KAZN: variants seen among roughly 807,000 people sequenced by gnomAD.
The protein encoded by KAZN is kazrin.
A neutral mutation model predicts 87.4 loss-of-function variants in KAZN; 40 were observed. The observed-to-expected ratio is 0.46, with a 90% CI of 0.36 to 0.60. KAZN has a LOEUF of 0.60. KAZN is among the 20% of genes least tolerant of loss of function. KAZN has a pLI of 0.00. For missense variants in KAZN, 898 were observed against 1,073.9 expected (o/e 0.84, Z 2.29); for synonymous variants, 466 against 458.3 (o/e 1.02, Z -0.22).
intron 1 of KAZN, among the ~76,000 whole-genome samples, chr1:14,917,601 C>T (rs1251289533): frequency 2.0e-5 from 3 of 152,174 alleles, no homozygotes; most frequent in South Asian, 2.1e-4. Context: ...TGCCACAGCC[C>T]GACAAGTAGT....
intron 2 of KAZN, among the ~76,000 whole-genome samples, chr1:14,358,775 C>T (rs982836778): frequency 2.0e-5 from 3 of 151,770 alleles, no homozygotes; most frequent in South Asian, 2.1e-4. Flanking sequence ...TTGATAGCAT[C>T]GTGGTCTGAG....
At chr1:14,910,162 T>C (rs1185073725) in intron 1 of KAZN, among the ~76,000 whole-genome samples, 1 of 152,214 alleles carries the variant, frequency 6.6e-6, no homozygotes, top group Non-Finnish European at 1.5e-5. Flanking sequence ...ATCTGTGGCC[T>C]GTGGATCTCC....
At chr1:14,519,219 A>G (rs1443302999) in intron 2 of KAZN, among the ~76,000 whole-genome samples, 1 of 152,226 alleles carries the variant, frequency 6.6e-6, no homozygotes, top group East Asian at 1.9e-4. Context: ...ACACAGCTTG[A>G]AATGGACCCT....
chr1:14,545,455 T>A (rs888433787), intron 2 of KAZN, among the ~76,000 whole-genome samples: 5 of 152,210 alleles, frequency 3.3e-5, no homozygotes, highest in African/African-American at 1.2e-4. Flanking sequence ...GGGACAGTTA[T>A]TTAATGTCTC....
At chr1:13,948,434 A>G (rs1227968085) in intron 1 of KAZN, among the ~76,000 whole-genome samples, 1 of 152,196 alleles carries the variant, frequency 6.6e-6, no homozygotes, top group Non-Finnish European at 1.5e-5. Flanking sequence ...CCCTATGAAG[A>G]GATGCCTTCT....
chr1:14,751,025 A>G (rs972975601), intron 1 of KAZN, among the ~76,000 whole-genome samples: 1 of 152,212 alleles, frequency 6.6e-6, no homozygotes, highest in African/African-American at 2.4e-5. Context: ...GACGTCATTT[A>G]TAACATGACC....
rs141321203 is a variant in KAZN, at chr1:14,518,178, CT to C, written c.250-80784del. Among the ~76,000 whole-genome samples the C allele has an allele frequency of 6.8e-3, 620 of 91,306 alleles. 1 individual carries two copies. The highest frequency in any genetic ancestry group is 0.017 in the Middle Eastern group (2 of 118). 59.9% of individuals were successfully genotyped at this position (91,306 alleles called of 152,430 possible). Reference sequence around the variant, plus strand: ...TTGGTAACTGGAGTCTTTTTGAAGGCTTTTTTTTTTTTTTTTTTTTTGGGCA... The same window carrying C: ...TTGGTAACTGGAGTCTTTTTGAAGGCTTTTTTTTTTTTTTTTTTTTGGGCA... On this transcript the variant is annotated intron_variant, in intron 2 of 16. Coordinates refer to the KAZN transcript ENST00000636203.
intron 1 of KAZN, among the ~76,000 whole-genome samples, chr1:13,921,423 T>A (rs1327835819): frequency 6.6e-6 from 1 of 152,200 alleles, no homozygotes; most frequent in Non-Finnish European, 1.5e-5. Flanking sequence ...TGTGGCTGTG[T>A]TTCAATACAA....
chr1:14,588,873 A>G (rs1229464482), intron 2 of KAZN, among the ~76,000 whole-genome samples: 2 of 152,158 alleles, frequency 1.3e-5, no homozygotes, highest in Non-Finnish European at 2.9e-5. Context: ...TCATCTCTTG[A>G]ATACATGACA....
intron 1 of KAZN, among the ~76,000 whole-genome samples, chr1:14,783,598 A>C (rs1480569482): frequency 6.6e-6 from 1 of 152,226 alleles, no homozygotes; most frequent in Non-Finnish European, 1.5e-5. Flanking sequence ...CAGCCAAGCC[A>C]AGAAAGTGCT....
At chr1:14,069,253 G>A (rs1388020456) in intron 1 of KAZN, among the ~76,000 whole-genome samples, 2 of 152,230 alleles carry the variant, frequency 1.3e-5, no homozygotes, top group African/African-American at 4.8e-5. Flanking sequence ...CCAGTATGAG[G>A]AGGGGCTGCT....
intron 1 of KAZN, among the ~76,000 whole-genome samples, chr1:14,902,479 C>T (rs1211713800): frequency 4.6e-5 from 7 of 152,118 alleles, no homozygotes; most frequent in African/African-American, 7.2e-5. Flanking sequence ...CCACCTGCCT[C>T]GGCCTCCCAA....
chr1:15,104,238 G>A, intron 13 of KAZN, 49 bp downstream of exon 13: 1 of 1,487,336 alleles, frequency 6.7e-7, no homozygotes, highest in Non-Finnish European at 9.0e-7. Context: ...GTACAGTACA[G>A]CTCAGGGCTT....
At chr1:14,089,542 C>A (rs1445569347) in intron 1 of KAZN, among the ~76,000 whole-genome samples, 4 of 152,060 alleles carry the variant, frequency 2.6e-5, no homozygotes, top group African/African-American at 4.8e-5. Flanking sequence ...ATTGTCAGAA[C>A]CTTGTAGCAC....
At chr1:14,985,144 A>C (rs1289198170) in intron 2 of KAZN, among the ~76,000 whole-genome samples, 2 of 151,494 alleles carry the variant, frequency 1.3e-5, no homozygotes, top group Non-Finnish European at 2.9e-5. Flanking sequence ...TCAAAAAAAA[A>C]AAAAAAATGG....
At chr1:14,344,730 G>T (rs1657986201) in intron 2 of KAZN, among the ~76,000 whole-genome samples, 2 of 152,120 alleles carry the variant, frequency 1.3e-5, no homozygotes, top group Admixed American at 6.6e-5. Flanking sequence ...AGACAATTTT[G>T]GGAGAAGAGA....
intron 2 of KAZN, among the ~76,000 whole-genome samples, chr1:14,383,349 G>C (rs1171621539): frequency 4.0e-5 from 6 of 151,756 alleles, no homozygotes; most frequent in Non-Finnish European, 8.8e-5. Flanking sequence ...TTTGTCTTTT[G>C]TTGCCATTGC....
chr1:14,486,828 G>A (rs749468581), intron 2 of KAZN, among the ~76,000 whole-genome samples: 1 of 152,166 alleles, frequency 6.6e-6, no homozygotes, highest in Non-Finnish European at 1.5e-5. Flanking sequence ...GAAGTGCCAG[G>A]CATAATATTA....
intron 2 of KAZN, among the ~76,000 whole-genome samples, chr1:14,337,381 CA>C (rs1657343845): frequency 6.6e-6 from 1 of 152,190 alleles, no homozygotes; most frequent in South Asian, 2.1e-4. Context: ...CTTTCCTTGA[CA>C]TGGCAATAGT....
Sources: allele counts gnomAD v4.1 joint callset (sites outside exome capture counted in the v4.1 genomes callset), GRCh38; gene constraint gnomAD v4.1.1; transcripts MANE v1.5; gene names NCBI Gene and HGNC (gene_info 2026-07-23, HGNC 2026-07-21).